Variants in RECQL5 observed in about 807,000 individuals in gnomAD.
RECQL5 encodes RecQ like helicase 5, also known as ATP-dependent DNA helicase Q5.
Under a neutral mutation model 103.4 loss-of-function variants are expected in RECQL5, and 88 were observed. The ratio of observed to expected loss-of-function variants is 0.85; its 90% CI spans 0.72 to 1.02. The LOEUF (loss-of-function observed/expected upper bound fraction) is 1.02. Ranked by LOEUF, RECQL5 falls within the 50% of genes least tolerant of loss-of-function variation. The probability of loss-of-function intolerance (pLI) is 0.00; values close to 1 mark genes in which losing one functional copy is unlikely to be tolerated. For synonymous variants in RECQL5, 552 were observed against 507.9 expected (o/e 1.09, Z -1.17); for missense variants, 1,232 against 1,284.3 (o/e 0.96, Z 0.62).
At chr17:75,660,858 G>A (rs1419544415) in intron 6 of RECQL5, 97 bp downstream of exon 6, 5 of 889,430 alleles carry the variant, frequency 5.6e-6, no homozygotes, top group South Asian at 1.3e-5. Flanking sequence ...TCTAGCCCTC[G>A]AAGGAGCACA....
chr17:75,638,467 G>A (rs2059369691), intron 8 of RECQL5: 1 of 152,376 alleles, frequency 6.6e-6, no homozygotes, highest in Non-Finnish European at 1.5e-5. Flanking sequence ...GGCAACAAGA[G>A]AGAAACTCCA....
chr17:75,630,754 G>A (rs2059193518), intron 12 of RECQL5, 25 bp downstream of exon 12: 2 of 1,587,886 alleles, frequency 1.3e-6, no homozygotes, highest in Non-Finnish European at 1.7e-6. Flanking sequence ...CCCGGCGGGT[G>A]GCTGAGGAGC....
chr17:75,643,810 G>A (rs968399518), intron 8 of RECQL5, among the ~76,000 whole-genome samples: 8 of 152,204 alleles, frequency 5.3e-5, no homozygotes, highest in African/African-American at 1.2e-4. Context: ...CCTGGACCAT[G>A]CCACCATCAA....
At chr17:75,628,482 T>A in intron 17 of RECQL5, 40 bp from the exon 18 acceptor site, 1 of 1,597,320 alleles carries the variant, frequency 6.3e-7, no homozygotes, top group Non-Finnish European at 8.6e-7. Flanking sequence ...CTGAGCTCCC[T>A]TCCACTGGCC....
rs374359248 is a variant in RECQL5 at position 75,647,477 on chromosome 17, C to T, written c.1229+3709G>A. 283 of 1,550,222 alleles carry T rather than the reference C, an allele frequency of 1.8e-4. No homozygotes were observed. The highest frequency in any genetic ancestry group is 2.3e-4 in the Non-Finnish European group (264 of 1,147,004). On this transcript the variant is annotated intron_variant, in intron 8 of 19. Transcript: ENST00000317905. The stretch of plus-strand genomic sequence containing the variant: ...GCAGTGATTATCTTATTCATCACCG[C>T]TGTCCTGCTTCTCATCTTATTTGCC...
At position 75,665,036 on chromosome 17, in the gene RECQL5, T is replaced by G. The variant is rs774924866; in HGVS notation, c.252+15A>C. On this transcript the variant is annotated intron_variant, in intron 3 of 19. Transcript: ENST00000317905. ...AATCTTTTTGGGCTACCATCTTCAT[T>G]GCCCTAAGCCTCACCTGAATCAAAG... The G allele has an allele frequency of 2.1e-5, 33 of 1,537,412 alleles. No individual in the cohort carries two copies. Among genetic ancestry groups the G allele is most frequent in the Non-Finnish European group, 2.9e-5 (33 of 1,148,052 alleles).
chr17:75,633,811 C>A lies in RECQL5; in HGVS notation c.1230-2143G>T, dbSNP rs547839732. On this transcript the variant is annotated intron_variant, in intron 8 of 19. Coordinates refer to ENST00000317905, the MANE Select transcript of RECQL5 (RefSeq NM_004259.7). ...CCTCCTGGCCAGGAAGGCAGAGAGC[C>A]GACTTCTTTCTTCAGCTCCCAACCC... is the stretch of plus-strand genomic sequence containing the variant. 5.0e-6 allele frequency: 5 copies of A among 1,005,760 alleles called. No individual in the cohort carries two copies. The African/African-American group carries it at 8.7e-5, about 17-fold the overall frequency. 62.3% of individuals were successfully genotyped at this position (1,005,760 alleles called of 1,614,324 possible).
chr17:75,629,771 A>C lies in RECQL5; in HGVS notation c.1884T>G (p.Ser628Arg). 3 of 1,613,610 alleles carry C rather than the reference A, an allele frequency of 1.9e-6. No homozygotes were observed. Among genetic ancestry groups the C allele is most frequent in the Non-Finnish European group, 2.5e-6 (3 of 1,179,802 alleles). The change falls in exon 15 of 20, where the codon AGT becomes AGG. Residue 628 changes from serine (S) to arginine (R), a missense_variant. Physicochemically the swap from Ser to Arg is moderately radical, Grantham distance 110. Coordinates refer to ENST00000317905, the MANE Select transcript of RECQL5 (RefSeq NM_004259.7). ...TGGGCTCCGGGGGCTCAGCTTGGGC[A>C]CTGCAGCTCTTGGCACTGCCTCCCA... is the stretch of plus-strand genomic sequence containing the variant. ...YDMGGSAKSC[S>R]AQAEPPEPNE...
chr17:75,644,334 C>T (rs1241168784), intron 8 of RECQL5, among the ~76,000 whole-genome samples: 1 of 151,634 alleles, frequency 6.6e-6, no homozygotes, highest in Non-Finnish European at 1.5e-5. Context: ...AACAACAGAC[C>T]AGCATAGTAT....
chr17:75,641,295 A>G (rs2059430643), intron 8 of RECQL5: 2 of 179,812 alleles, frequency 1.1e-5, no homozygotes, highest in Non-Finnish European at 2.4e-5. Context: ...AGGCAATCAG[A>G]GGGGCTTTGT....
chr17:75,633,471 A>G, intron 8 of RECQL5: 2 of 1,289,094 alleles, frequency 1.6e-6, no homozygotes, highest in South Asian at 1.2e-5. Flanking sequence ...CACAAGGAAC[A>G]TGAGGCGCCT....
rs2059690878 is a variant in RECQL5 at position 75,660,955 on chromosome 17, C to G, written c.986G>C (p.Arg329Thr). The change falls in exon 6 of 20, where the codon AGG becomes ACG. Residue 329 changes from arginine (R) to threonine (T), a missense_variant and splice_region_variant. By Grantham distance (71) the Arg-to-Thr change is moderately conservative. Transcript: ENST00000317905. ...FGMGVDKANVRFVAHWNIAKS... is the reference protein window; with the variant it reads ...FGMGVDKANVTFVAHWNIAKS... ...GGGCAGGGCAAGAACCAAAGCTCAC[C>G]TGACATTGGCTTTATCCACTCCCAT... The G allele has an allele frequency of 4.3e-6, 7 of 1,609,496 alleles. No homozygotes were observed. Among genetic ancestry groups the G allele is most frequent in the Non-Finnish European group, 6.0e-6 (7 of 1,175,866 alleles).
intron 4 of RECQL5, among the ~76,000 whole-genome samples, chr17:75,662,206 A>T (rs1381547871): frequency 6.6e-6 from 1 of 152,180 alleles, no homozygotes; most frequent in Non-Finnish European, 1.5e-5. Flanking sequence ...AACCTGTTTA[A>T]CTTCTCTGCC....
chr17:75,635,917 C>T (rs1342742223), intron 8 of RECQL5: 2 of 961,228 alleles, frequency 2.1e-6, no homozygotes, highest in Admixed American at 1.2e-4. Flanking sequence ...GACCAAGTGG[C>T]AGCTGTCTGG....
At chr17:75,639,562 C>CA (rs2059393686) in intron 8 of RECQL5, 1 of 152,448 alleles carries the variant, frequency 6.6e-6, no homozygotes, top group Admixed American at 6.5e-5. Flanking sequence ...CCCCTCCCAA[C>CA]AGACAGGACA....
At chr17:75,645,355 T>C (rs1010344321) in intron 8 of RECQL5, among the ~76,000 whole-genome samples, 7 of 152,224 alleles carry the variant, frequency 4.6e-5, no homozygotes, top group African/African-American at 1.7e-4. Flanking sequence ...GCTCAGACTG[T>C]GTGCTGCTGG....
chr17:75,659,095 C>G (rs2059665463), intron 6 of RECQL5, among the ~76,000 whole-genome samples: 1 of 152,096 alleles, frequency 6.6e-6, no homozygotes, highest in African/African-American at 2.4e-5. Flanking sequence ...TGGAGTCTTG[C>G]TCTGTCACCA....
chr17:75,634,961 C>T (rs2059291118), intron 8 of RECQL5, among the ~76,000 whole-genome samples: 1 of 152,134 alleles, frequency 6.6e-6, no homozygotes, highest in African/African-American at 2.4e-5. Flanking sequence ...GAAGCAGGAC[C>T]CGGCTGTTTG....
intron 3 of RECQL5, among the ~76,000 whole-genome samples, chr17:75,663,336 A>AT (rs1381771059): frequency 6.6e-6 from 1 of 151,998 alleles, no homozygotes; most frequent in Admixed American, 6.6e-5. Context: ...ATTTTTAATA[A>AT]TTTTGACATG....
Sources: gnomAD v4.1 joint callset for allele counts (sites outside exome capture counted in the v4.1 genomes callset) on GRCh38, gnomAD v4.1.1 for gene constraint, MANE v1.5 for transcripts, NCBI Gene and HGNC (gene_info 2026-07-23, HGNC 2026-07-21) for gene names.